The following PPP1R21 variants were observed in gnomAD, a reference collection of about 807,000 sequenced individuals.
PPP1R21 encodes the protein protein phosphatase 1 regulatory subunit 21, also known as KLRAQ motif containing 1.
PPP1R21 carries 85 observed loss-of-function variants against 112.8 expected under a neutral mutation model. That is an observed-to-expected ratio of 0.75 (90% CI 0.63 to 0.90). The LOEUF (loss-of-function observed/expected upper bound fraction) is 0.90. PPP1R21 is among the 40% of genes least tolerant of loss of function. The pLI is 0.00. For missense variants in PPP1R21, 1,199 were observed against 901.5 expected (o/e 1.33, Z -4.23); for synonymous variants, 381 against 322.3 (o/e 1.18, Z -1.95).
chr2:48,482,817 G>A (rs991734657), intron 13 of PPP1R21, among the ~76,000 whole-genome samples: 2 of 151,932 alleles, frequency 1.3e-5, no homozygotes, highest in Admixed American at 6.6e-5. Flanking sequence ...TGTGCAGGAT[G>A]TGCAGGTTTG....
chr2:48,508,350 G>A (rs1420673385), intron 19 of PPP1R21, among the ~76,000 whole-genome samples: 1 of 152,158 alleles, frequency 6.6e-6, no homozygotes, highest in African/African-American at 2.4e-5. Context: ...ACCCTTTATT[G>A]AGACCTGACT....
chr2:48,466,777 G>A (rs1161915473), intron 9 of PPP1R21, among the ~76,000 whole-genome samples: 2 of 152,108 alleles, frequency 1.3e-5, no homozygotes, highest in Non-Finnish European at 2.9e-5. Context: ...TGTGGGGGTT[G>A]GGAACAGGGT....
At chr2:48,512,592 A>C (rs758221757) in intron 21 of PPP1R21, among the ~76,000 whole-genome samples, 26 of 152,184 alleles carry the variant, frequency 1.7e-4, no homozygotes, top group Non-Finnish European at 2.8e-4. Flanking sequence ...CTGTTCATTT[A>C]GGGTCTTCTT....
chr2:48,480,995 A>T (rs1374251083), intron 13 of PPP1R21, among the ~76,000 whole-genome samples: 1 of 152,100 alleles, frequency 6.6e-6, no homozygotes, highest in Non-Finnish European at 1.5e-5. Flanking sequence ...AAGGAACTTT[A>T]TAATTTTTTC....
chr2:48,447,622 G>T (rs957451150), intron 1 of PPP1R21, among the ~76,000 whole-genome samples: 1 of 152,094 alleles, frequency 6.6e-6, no homozygotes, highest in Non-Finnish European at 1.5e-5. Context: ...TCCCCTCTGT[G>T]GTGAATACTG....
At position 48,514,967 on chromosome 2, in the gene PPP1R21, C is replaced by T. The variant is rs1289572097; in HGVS notation, c.*223C>T. The T allele has an allele frequency of 1.5e-5, 8 of 543,154 alleles. No individual in the cohort carries two copies. The highest frequency in any genetic ancestry group is 3.5e-5 in the Admixed American group (1 of 28,588). 33.6% of individuals were successfully genotyped at this position (543,154 alleles called of 1,614,324 possible). A position where few individuals can be genotyped will look rare whatever the true frequency, so the allele number is the denominator to read the frequency against. On this transcript the variant is annotated 3_prime_UTR_variant, in exon 22 of 22. Transcript: ENST00000294952. Reference sequence around the variant, plus strand: ...TGTCGGCAGTAAATGGAAAACAATACGTATGTCATGGATATTGTAGGTTTC... The same window carrying T: ...TGTCGGCAGTAAATGGAAAACAATATGTATGTCATGGATATTGTAGGTTTC...
Position 48,465,558 on chromosome 2 carries a change from A to G in PPP1R21, c.813A>G (p.Leu271=), listed in dbSNP as rs202133064. Residue 271 remains leucine, a synonymous_variant, in exon 9 of 22, where the codon CTA becomes CTG. Coordinates refer to ENST00000294952, the MANE Select transcript of PPP1R21 (RefSeq NM_001135629.3). ...TTCAGGATCTTGTGACGGCTCTTCT[A>G]AACTTTCATACCTACACAGAACAGA... ...AFVQDLVTAL[L]NFHTYTEQRI... 9 of 1,614,032 alleles carry G rather than the reference A, an allele frequency of 5.6e-6. No individual in the cohort carries two copies. The East Asian group carries it at 1.8e-4, about 32-fold the overall frequency.
At chr2:48,506,666 G>T (rs1418977535) in intron 18 of PPP1R21, among the ~76,000 whole-genome samples, 1 of 152,054 alleles carries the variant, frequency 6.6e-6, no homozygotes, top group Non-Finnish European at 1.5e-5. Flanking sequence ...AGTATGTTGG[G>T]TGGGCGCGGT....
rs1558460482 is a variant in PPP1R21, at chr2:48,471,070, C to T, written c.898-17C>T. ...TTTTCCAGTGATTTAATTCACAATA[C>T]TTTCCCTCCTGTTTAGTTCTCACAA... On this transcript the variant is annotated splice_polypyrimidine_tract_variant and intron_variant, in intron 9 of 21. Transcript: ENST00000294952. 2.7e-6 allele frequency: 4 copies of T among 1,509,070 alleles called. No homozygotes were observed. Among genetic ancestry groups the T allele is most frequent in the South Asian group, 1.1e-5 (1 of 88,538 alleles). 93.5% of individuals were successfully genotyped at this position (1,509,070 alleles called of 1,614,324 possible). A position where few individuals can be genotyped will look rare whatever the true frequency, so the allele number is the denominator to read the frequency against.
At chr2:48,444,945 C>G (rs1410298587) in intron 1 of PPP1R21, among the ~76,000 whole-genome samples, 8 of 151,302 alleles carry the variant, frequency 5.3e-5, no homozygotes, top group Admixed American at 5.3e-4. Flanking sequence ...GCAATTGATG[C>G]TTCCTTTGCA....
chr2:48,479,277 C>T (rs1668896699), intron 12 of PPP1R21, among the ~76,000 whole-genome samples: 1 of 152,162 alleles, frequency 6.6e-6, no homozygotes, highest in African/African-American at 2.4e-5. Context: ...AGACGAAGTC[C>T]CGTGTTCTTG....
At chr2:48,481,234 C>T (rs1228947741) in intron 13 of PPP1R21, among the ~76,000 whole-genome samples, 5 of 152,216 alleles carry the variant, frequency 3.3e-5, no homozygotes. Flanking sequence ...GGTGACCCAC[C>T]TGCCGTGGCC....
rs185133089 is a variant in PPP1R21 at position 48,444,982 on chromosome 2, C to T, written c.57+3972C>T. On this transcript the variant is annotated intron_variant, in intron 1 of 21. Coordinates refer to ENST00000294952, the MANE Select transcript of PPP1R21 (RefSeq NM_001135629.3). ...ATAAAGGGAGCTTTTTAGACTTATA[C>T]TCTTAGTACACAGCTACTTGTATGG... 1.5e-3 allele frequency among the ~76,000 whole-genome samples: 234 copies of T among 151,406 alleles called. 4 individuals carry two copies. The highest frequency in any genetic ancestry group is 0.013 in the Admixed American group (202 of 15,176).
intron 9 of PPP1R21, 54 bp downstream of exon 9, chr2:48,465,696 T>C (rs1668171248): frequency 1.3e-6 from 2 of 1,547,588 alleles, no homozygotes; most frequent in African/African-American, 1.4e-5. Flanking sequence ...AGGGAGATAT[T>C]GTTTGTTTTT....
At position 48,491,100 on chromosome 2, in the gene PPP1R21, G is replaced by C; in HGVS notation, c.1529G>C (p.Ser510Thr). Residue 510 changes from serine to threonine, a missense_variant, in exon 15 of 22, where the codon AGT (serine) becomes ACT (threonine). Transcript: ENST00000294952. Reference sequence around the variant, plus strand: ...CCTAAGGCAGCGAGTGGATTCATTAGTCCTCTTTCAGCTGAATGCATGCTA... The same window carrying C: ...CCTAAGGCAGCGAGTGGATTCATTACTCCTCTTTCAGCTGAATGCATGCTA... The part of the protein sequence containing the change: ...YGPKAASGFI[S>T]PLSAECMLQY... The C allele has an allele frequency of 6.2e-7, 1 of 1,614,130 alleles. No individual in the cohort carries two copies. Among genetic ancestry groups the C allele is most frequent in the East Asian group, 2.2e-5 (1 of 44,888 alleles).
intron 18 of PPP1R21, 112 bp from the exon 19 acceptor site, chr2:48,507,157 C>A: frequency 7.4e-7 from 1 of 1,359,420 alleles, no homozygotes; most frequent in East Asian, 2.9e-5. Context: ...AGTGATTCCC[C>A]ATCAAAGTTC....
chr2:48,454,717 TGAACCACGA>T lies in PPP1R21; in HGVS notation c.251_259del (p.Glu84_Arg86del), dbSNP rs1667638228. The stretch of plus-strand genomic sequence containing the variant: ...TACTTCAAGATGAACTAGCTCTAAG[TGAACCACGA>T]GGCAAGAAAAACAAGGTAGGTTCAA... On this transcript the variant is annotated inframe_deletion, in exon 3 of 22. Coordinates refer to ENST00000294952, the MANE Select transcript of PPP1R21 (RefSeq NM_001135629.3). The T allele has an allele frequency of 6.2e-7, 1 of 1,613,972 alleles. No individual in the cohort carries two copies. Among genetic ancestry groups the T allele is most frequent in the African/African-American group, 1.3e-5 (1 of 74,916 alleles).
At chr2:48,441,862 A>G (rs767763372) in intron 1 of PPP1R21, among the ~76,000 whole-genome samples, 17 of 152,252 alleles carry the variant, frequency 1.1e-4, no homozygotes, top group Non-Finnish European at 2.4e-4. Flanking sequence ...TGACTTTGGC[A>G]TTCATGGAGT....
At chr2:48,486,580 A>T in intron 13 of PPP1R21, 51 bp from the exon 14 acceptor site, 1 of 1,398,020 alleles carries the variant, frequency 7.2e-7, no homozygotes, top group Non-Finnish European at 1.0e-6. Context: ...GGTTATCTGT[A>T]TGTGACTTAT....
Sources: gnomAD v4.1 joint callset for allele counts (sites outside exome capture counted in the v4.1 genomes callset) on GRCh38, gnomAD v4.1.1 for gene constraint, MANE v1.5 for transcripts, NCBI Gene and HGNC (gene_info 2026-07-23, HGNC 2026-07-21) for gene names.